Variants in RGS13 observed in about 807,000 individuals in gnomAD.
The protein encoded by RGS13 is regulator of G-protein signalling 13.
A neutral mutation model predicts 19.9 loss-of-function variants in RGS13; 14 were observed. The observed-to-expected ratio is 0.70, with a 90% CI of 0.46 to 1.10. The LOEUF (loss-of-function observed/expected upper bound fraction) is 1.10. Among genes scored for constraint, RGS13 ranks in the 50% least tolerant of loss-of-function variants. RGS13 has a pLI of 0.00. For synonymous variants in RGS13, 60 were observed against 56.8 expected (o/e 1.06, Z -0.25); for missense variants, 205 against 187.1 (o/e 1.10, Z -0.56).
chr1:192,650,989 T>C (rs1366339718), intron 5 of RGS13, among the ~76,000 whole-genome samples: 1 of 151,886 alleles, frequency 6.6e-6, no homozygotes, highest in East Asian at 1.9e-4. Flanking sequence ...AATTTGCATA[T>C]AGATGCTAAC....
At chr1:192,651,776 C>G (rs1663343329) in intron 5 of RGS13, among the ~76,000 whole-genome samples, 1 of 152,038 alleles carries the variant, frequency 6.6e-6, no homozygotes, top group African/African-American at 2.4e-5. Flanking sequence ...AATCTGTGCT[C>G]TCAGTGAAGT....
intron 5 of RGS13, among the ~76,000 whole-genome samples, chr1:192,655,509 G>A (rs1305367862): frequency 6.6e-6 from 1 of 152,068 alleles, no homozygotes; most frequent in Non-Finnish European, 1.5e-5. Context: ...GTGGGACATA[G>A]GAAATAGAAC....
At chr1:192,640,202 C>A (rs924778901) in intron 3 of RGS13, among the ~76,000 whole-genome samples, 1 of 152,010 alleles carries the variant, frequency 6.6e-6, no homozygotes, top group Non-Finnish European at 1.5e-5. Context: ...AGATAAGCTG[C>A]GAGTCATTGT....
At chr1:192,648,709 T>C (rs955593590) in intron 5 of RGS13, among the ~76,000 whole-genome samples, 1 of 152,094 alleles carries the variant, frequency 6.6e-6, no homozygotes, top group Non-Finnish European at 1.5e-5. Flanking sequence ...TCAATGCTTG[T>C]TAATTTTTGC....
Position 192,658,297 on chromosome 1 carries a change from C to T in RGS13, c.224C>T (p.Ser75Leu), listed in dbSNP as rs1663482682. The T allele has an allele frequency of 6.2e-7, 1 of 1,613,442 alleles. No individual in the cohort carries two copies. ...TGTGAAACCTATAAGAAAATTGCCT[C>T]ACGGTGGAGCAGAATTTCTAGGGCA... is the stretch of plus-strand genomic sequence containing the variant. Reference protein sequence around the residue: ...MACETYKKIASRWSRISRAKK... With the variant: ...MACETYKKIALRWSRISRAKK... The change falls in exon 6 of 7, where the codon TCA becomes TTA. Residue 75 changes from serine to leucine, a missense_variant. By Grantham distance (145) the Ser-to-Leu change is moderately radical. Coordinates refer to ENST00000391995, the MANE Select transcript of RGS13 (RefSeq NM_002927.5).
intron 1 of RGS13, among the ~76,000 whole-genome samples, chr1:192,636,778 C>A (rs1663025151): frequency 6.6e-6 from 1 of 151,862 alleles, no homozygotes; most frequent in African/African-American, 2.4e-5. Context: ...CATTGTTAAT[C>A]TTGATTTTGT....
rs566749167 is a variant in RGS13 at position 192,636,714 on chromosome 1, C to A, written c.-116+397C>A. 4.6e-5 allele frequency among the ~76,000 whole-genome samples: 7 copies of A among 151,980 alleles called. No individual in the cohort carries two copies. In the East Asian group the frequency reaches 1.4e-3, roughly 29 times the overall value. The stretch of plus-strand genomic sequence containing the variant: ...TGCATTACCAAATTATTAGTTCCAT[C>A]CTTTGTTAACTGTACTGAAGCCAGG... On this transcript the variant is annotated intron_variant, in intron 1 of 6. Coordinates refer to ENST00000391995, the MANE Select transcript of RGS13 (RefSeq NM_002927.5).
At chr1:192,642,346 A>G (rs12045920) in intron 3 of RGS13, among the ~76,000 whole-genome samples, 4,877 of 148,164 alleles carry the variant, frequency 0.033, 210 homozygotes, top group East Asian at 0.11. Flanking sequence ...TTTTGAGATA[A>G]GGTCTTTCTT....
intron 5 of RGS13, among the ~76,000 whole-genome samples, chr1:192,649,648 A>G (rs1402652900): frequency 1.3e-5 from 2 of 152,106 alleles, no homozygotes; most frequent in Non-Finnish European, 2.9e-5. Context: ...ATTTGTCTCT[A>G]GCTATGACCT....
At chr1:192,656,539 A>G (rs538829956) in intron 5 of RGS13, among the ~76,000 whole-genome samples, 2 of 152,192 alleles carry the variant, frequency 1.3e-5, no homozygotes, top group African/African-American at 4.8e-5. Context: ...AATCTAAGTT[A>G]AAATATATCC....
chr1:192,658,258 A>G lies in RGS13; in HGVS notation c.185A>G (p.Gln62Arg). Residue 62 changes from glutamine to arginine, a missense_variant, in exon 6 of 7, where the codon CAA becomes CGA. By Grantham distance (43) the Gln-to-Arg change is conservative. Coordinates refer to ENST00000391995, the MANE Select transcript of RGS13 (RefSeq NM_002927.5). Reference sequence around the variant, plus strand: ...ATGGAGCACAGTGACGAGAATATTCAATTCTGGATGGCATGTGAAACCTAT... The same window carrying G: ...ATGGAGCACAGTGACGAGAATATTCGATTCTGGATGGCATGTGAAACCTAT... ...LKMEHSDENI[Q>R]FWMACETYKK... 1 of 1,613,350 alleles carries G rather than the reference A, an allele frequency of 6.2e-7. No individual in the cohort carries two copies. Among genetic ancestry groups the G allele is most frequent in the Middle Eastern group, 1.7e-4 (1 of 6,056 alleles).
In RGS13 at chr1:192,641,554, C is replaced by T. The variant is rs75665826; in HGVS notation, c.-4-2777C>T. Among the ~76,000 whole-genome samples, 1,019 of 152,272 alleles carry T rather than the reference C, an allele frequency of 6.7e-3. 32 individuals are homozygous for T. Among genetic ancestry groups the T allele is most frequent in the Non-Finnish European group, 4.1e-3 (278 of 68,026 alleles). ...GTCATTAATGAGCATCTTGTGAACA[C>T]ATCTGACATTTTTTGATCCTTTGCT... On this transcript the variant is annotated intron_variant, in intron 3 of 6. Coordinates refer to ENST00000391995, the MANE Select transcript of RGS13 (RefSeq NM_002927.5).
At chr1:192,636,371 A>C (rs1407172140) in intron 1 of RGS13, 54 bp downstream of exon 1, 1 of 152,078 alleles carries the variant, frequency 6.6e-6, no homozygotes, top group African/African-American at 2.4e-5. Flanking sequence ...TTGGCTTGCT[A>C]TAAATCACTA....
intron 3 of RGS13, among the ~76,000 whole-genome samples, chr1:192,642,852 ATTTTTTGTTTTTG>A (rs1558049780): frequency 6.6e-6 from 1 of 151,376 alleles, no homozygotes; most frequent in Non-Finnish European, 1.5e-5. Context: ...ACATTTCGGG[ATTTTTTGTTTTTG>A]TTTTTTGTTT....
intron 4 of RGS13, chr1:192,646,682 T>C (rs2102032789): frequency 6.6e-6 from 1 of 152,176 alleles, no homozygotes; most frequent in East Asian, 1.9e-4. Context: ...CCCCAGTGTG[T>C]GTTGTTCTCC....
At chr1:192,643,506 G>A (rs1238276002) in intron 3 of RGS13, among the ~76,000 whole-genome samples, 1 of 152,076 alleles carries the variant, frequency 6.6e-6, no homozygotes, top group Non-Finnish European at 1.5e-5. Flanking sequence ...TAAAGTCAAA[G>A]TTACTGTGCC....
intron 5 of RGS13, among the ~76,000 whole-genome samples, chr1:192,656,836 C>T (rs770897373): frequency 2.6e-5 from 4 of 152,034 alleles, no homozygotes; most frequent in Non-Finnish European, 2.9e-5. Flanking sequence ...CAAAATACTT[C>T]GTTATCTTTG....
At chr1:192,652,227 A>G (rs1558052316) in intron 5 of RGS13, among the ~76,000 whole-genome samples, 1 of 152,112 alleles carries the variant, frequency 6.6e-6, no homozygotes, top group South Asian at 2.1e-4. Context: ...GCTCCATATC[A>G]TGAACCATCT....
At chr1:192,659,134 T>G (rs991832109) in intron 6 of RGS13, 49 of 393,740 alleles carry the variant, frequency 1.2e-4, no homozygotes, top group Non-Finnish European at 2.0e-4. Context: ...TTTTTGTTCC[T>G]CTTGGATGTG....
Sources: gnomAD v4.1 joint callset for allele counts (sites outside exome capture counted in the v4.1 genomes callset) on GRCh38, gnomAD v4.1.1 for gene constraint, MANE v1.5 for transcripts, NCBI Gene and HGNC (gene_info 2026-07-23, HGNC 2026-07-21) for gene names.